Variants in ZNF718 observed in about 807,000 individuals in gnomAD.
ZNF718 encodes zinc finger protein 718.
ZNF718 carries 3 observed loss-of-function variants against 2.6 expected under a neutral mutation model. The ratio of observed to expected loss-of-function variants is 1.16; its 90% CI spans 0.53 to 3.01. The LOEUF is 3.01. ZNF718 is among the 30% of genes most tolerant of loss of function. The probability of loss-of-function intolerance (pLI) is 0.03; values close to 1 mark genes in which losing one functional copy is unlikely to be tolerated. For synonymous variants in ZNF718, 135 were observed against 77.9 expected (o/e 1.73, Z -3.86); for missense variants, 468 against 230.0 (o/e 2.03, Z -6.69).
intron 3 of ZNF718, among the ~76,000 whole-genome samples, chr4:140,083 C>T (rs369886785): frequency 1.3e-5 from 2 of 152,024 alleles, no homozygotes; most frequent in African/African-American, 4.8e-5. Context: ...AGAGCAAACT[C>T]GCACATGTTT....
At chr4:164,515 C>CAA (rs782714573), downstream of ZNF718, among the ~76,000 whole-genome samples, 9 of 151,986 alleles carry the variant, frequency 5.9e-5, no homozygotes, top group Non-Finnish European at 1.2e-4. Context: ...GTCTTATACT[C>CAA]ATGCTAGTGA....
At chr4:178,974 GTTA>G (rs1361687179) in intron 3 of ZNF718, among the ~76,000 whole-genome samples, 7 of 152,086 alleles carry the variant, frequency 4.6e-5, no homozygotes, top group Non-Finnish European at 4.4e-5. Context: ...GAAAATTAAT[GTTA>G]TTATGCTCCT....
exon 5 of ZNF718, chr4:201,825 AC>A: frequency 5.0e-6 from 1 of 198,132 alleles, no homozygotes; most frequent in Non-Finnish European, 1.2e-5. Context: ...AGCAGCACAT[AC>A]CACTGTGAGG....
Position 162,239 on chromosome 4 carries a change from CTG to C in ZNF718, c.*119_*120del. On this transcript the variant is annotated 3_prime_UTR_variant, in exon 4 of 4. Transcript: ENST00000510175. ...ACAAAGCTTTTAACCGCAACTCAAT[CTG>C]TTCTAAACATAAGAGAAATGGTATT... The C allele has an allele frequency of 3.6e-6, 2 of 557,232 alleles. No homozygotes were observed. Among genetic ancestry groups the C allele is most frequent in the East Asian group, 5.6e-5 (2 of 35,700 alleles). The allele number at this position is 557,232 out of a possible 1,614,324, so 34.5% of individuals were successfully genotyped here. A position where few individuals can be genotyped will look rare whatever the true frequency, so the allele number is the denominator to read the frequency against.
Position 195,006 on chromosome 4 carries a change from A to T in ZNF718, c.227-6075A>T, listed in dbSNP as rs1250406955. Among the ~76,000 whole-genome samples the T allele has an allele frequency of 2.6e-5, 4 of 152,004 alleles. No homozygotes were observed. In the East Asian group the frequency reaches 7.7e-4, roughly 29 times the overall value. On this transcript the variant is annotated intron_variant and NMD_transcript_variant, in intron 3 of 4. Transcript: ENST00000642529. ...TGCACCCCTTTTCCTGCCTTTCTTG[A>T]CCACAAAGAAAGGGGTCCAGGCTGC...
At chr4:166,469 G>C (rs1425686978), downstream of ZNF718, among the ~76,000 whole-genome samples, 5 of 152,180 alleles carry the variant, frequency 3.3e-5, no homozygotes, top group Admixed American at 6.5e-5. Context: ...CCCACCAACA[G>C]TGTAAAAGTG....
chr4:189,694 A>AT (rs1381257492), intron 3 of ZNF718, among the ~76,000 whole-genome samples: 8 of 152,136 alleles, frequency 5.3e-5, no homozygotes, highest in Non-Finnish European at 7.4e-5. Flanking sequence ...TTCTTGTTCC[A>AT]TTTTTTGAAC....
At chr4:137,337 T>C (rs930349195) in intron 3 of ZNF718, among the ~76,000 whole-genome samples, 8 of 152,206 alleles carry the variant, frequency 5.3e-5, no homozygotes, top group Non-Finnish European at 5.9e-5. Flanking sequence ...GTGCAAATAT[T>C]TCTGTCAGAT....
At chr4:140,591 A>G (rs1715770376) in intron 3 of ZNF718, among the ~76,000 whole-genome samples, 1 of 152,304 alleles carries the variant, frequency 6.6e-6, no homozygotes, top group East Asian at 1.9e-4. Context: ...TCAAACTGCC[A>G]TGGAGACTGC....
intron 3 of ZNF718, among the ~76,000 whole-genome samples, chr4:189,059 A>ATTTTTTTT (rs1228743332): frequency 7.4e-6 from 1 of 134,828 alleles, no homozygotes. Context: ...TCTGTAGATT[A>ATTTTTTTT]TTTTTTTTTT....
At chr4:146,191 T>C (rs2108791464) in intron 3 of ZNF718, among the ~76,000 whole-genome samples, 1 of 151,970 alleles carries the variant, frequency 6.6e-6, no homozygotes, top group South Asian at 2.1e-4. Context: ...TTAACATTTT[T>C]TTGTAAGACA....
intron 3 of ZNF718, among the ~76,000 whole-genome samples, chr4:179,682 T>G (rs1553819544): frequency 6.6e-6 from 1 of 152,224 alleles, no homozygotes; most frequent in African/African-American, 2.4e-5. Context: ...CTGTTTTATC[T>G]TTTTAGATGT....
intron 3 of ZNF718, among the ~76,000 whole-genome samples, chr4:137,783 T>C (rs1211116368): frequency 6.6e-5 from 10 of 152,102 alleles, no homozygotes; most frequent in Non-Finnish European, 5.9e-5. Flanking sequence ...ACTGACTAAA[T>C]GTTTATTTTA....
chr4:135,668 A>G (rs1182450373), intron 3 of ZNF718, among the ~76,000 whole-genome samples: 1 of 137,396 alleles, frequency 7.3e-6, no homozygotes, highest in Non-Finnish European at 1.6e-5. Context: ...TTCCTTTCAC[A>G]AGATTATGTA....
Position 138,413 on chromosome 4 carries a change from T to C in ZNF718, c.226+6908T>C, listed in dbSNP as rs1715667742. Reference sequence around the variant, plus strand: ...CTTCATGTGCTTGGCTTATTTTTCTTAACATAATGACCTCTAGTTCCATCC... The same window carrying C: ...CTTCATGTGCTTGGCTTATTTTTCTCAACATAATGACCTCTAGTTCCATCC... On this transcript the variant is annotated intron_variant, in intron 3 of 3. Coordinates refer to ENST00000510175, the MANE Select transcript of ZNF718 (RefSeq NM_001039127.6). Among the ~76,000 whole-genome samples the C allele has an allele frequency of 3.3e-5, 5 of 152,218 alleles. No homozygotes were observed. In the South Asian group the frequency reaches 1.0e-3, roughly 31 times the overall value.
intron 3 of ZNF718, among the ~76,000 whole-genome samples, chr4:154,857 T>G (rs1454140203): frequency 6.6e-6 from 1 of 152,190 alleles, no homozygotes; most frequent in Non-Finnish European, 1.5e-5. Flanking sequence ...GGGAAAAATG[T>G]CTCTAGGGCA....
In ZNF718 at chr4:127,753, G is replaced by T. The variant is rs1469246990; in HGVS notation, c.4-3035G>T. Among the ~76,000 whole-genome samples the T allele has an allele frequency of 2.9e-4, 30 of 104,576 alleles. 10 individuals are homozygous for T. The highest frequency in any genetic ancestry group is 9.6e-4 in the African/African-American group (29 of 30,170). The allele number at this position is 104,576 out of a possible 152,430, so 68.6% of individuals were successfully genotyped here. The stretch of plus-strand genomic sequence containing the variant: ...AAATTGCTTGCTATTGGCACAAGTG[G>T]CTATAAATTAACCTAATAATGCCAC... On this transcript the variant is annotated intron_variant, in intron 1 of 3. Transcript: ENST00000510175.
intron 3 of ZNF718, chr4:136,399 G>C (rs1202687370): frequency 1.9e-6 from 1 of 520,406 alleles, no homozygotes; most frequent in East Asian, 5.4e-5. Flanking sequence ...TCTCCTTGCA[G>C]GTCTCTTGAT....
intron 3 of ZNF718, among the ~76,000 whole-genome samples, chr4:171,579 A>G (rs1280826744): frequency 1.3e-5 from 2 of 152,062 alleles, no homozygotes; most frequent in East Asian, 1.9e-4. Flanking sequence ...GCCGCCTTGC[A>G]GTTTGATCTC....
Sources: allele counts gnomAD v4.1 joint callset (sites outside exome capture counted in the v4.1 genomes callset), GRCh38; gene constraint gnomAD v4.1.1; transcripts MANE v1.5; gene names NCBI Gene and HGNC (gene_info 2026-07-23, HGNC 2026-07-21).